The following FAM83G variants were observed in gnomAD, a reference collection of about 807,000 sequenced individuals.
FAM83G encodes the protein scaffolding CK1 anchoring protein G, also known as protein FAM83G.
Under a neutral mutation model 61.5 loss-of-function variants are expected in FAM83G, and 38 were observed. That is an observed-to-expected ratio of 0.62 (90% CI 0.48 to 0.81). The LOEUF (loss-of-function observed/expected upper bound fraction) is 0.81. FAM83G is among the 30% of genes least tolerant of loss of function. FAM83G has a pLI of 0.00. For missense variants in FAM83G, 989 were observed against 1,133.6 expected, an observed-to-expected ratio of 0.87 and a Z score of 1.83; for synonymous variants, 470 against 476.1, an observed-to-expected ratio of 0.99 and a Z score of 0.17.
At chr17:18,984,383 C>A (rs2472713) in intron 3 of FAM83G, among the ~76,000 whole-genome samples, 16 of 150,644 alleles carry the variant, frequency 1.1e-4, no homozygotes, top group South Asian at 4.2e-4. Context: ...CCTGAATCCA[C>A]CACAGACCCA....
chr17:18,991,139 C>T (rs2043411879), intron 2 of FAM83G, among the ~76,000 whole-genome samples: 1 of 152,214 alleles, frequency 6.6e-6, no homozygotes, highest in African/African-American at 2.4e-5. Flanking sequence ...GCCACCTTGC[C>T]TAATTCTGTT....
chr17:18,993,590 A>T (rs1482852689), intron 2 of FAM83G, among the ~76,000 whole-genome samples: 1 of 152,196 alleles, frequency 6.6e-6, no homozygotes, highest in Non-Finnish European at 1.5e-5. Context: ...GATACCCTCA[A>T]GCCTGCCCCA....
rs1400933331 is a variant in FAM83G, at chr17:18,996,945, G to A, written c.522+6575C>T. On this transcript the variant is annotated intron_variant, in intron 2 of 5. Transcript: ENST00000388995. The surrounding 1 kb of genome is among the most constrained non-coding windows in gnomAD (Gnocchi z 4.4). ...CCATGCCTTCCCTGGGTGGCCCATG[G>A]CGGGTCACTTCCCACTCTAAGCCTC... Among the ~76,000 whole-genome samples, 2 of 152,234 alleles carry A rather than the reference G, an allele frequency of 1.3e-5. No individual in the cohort carries two copies. Among genetic ancestry groups the A allele is most frequent in the African/African-American group, 2.4e-5 (1 of 41,466 alleles).
At position 18,970,723 on chromosome 17, in the gene FAM83G, G is replaced by C; in HGVS notation, c.*636C>G. 1 of 454,760 alleles carries C rather than the reference G, an allele frequency of 2.2e-6. No individual in the cohort carries two copies. The allele number at this position is 454,760 out of a possible 1,614,324, so 28.2% of individuals were successfully genotyped here. On this transcript the variant is annotated 3_prime_UTR_variant, in exon 6 of 6. Transcript: ENST00000388995. ...CTTGCCCAAGGCCGATGAGTGTCCA[G>C]AGGCCAACAGTGACTCCTGCTGGGC...
At chr17:18,977,109 G>C (rs538343611) in intron 5 of FAM83G, 1 of 1,395,492 alleles carries the variant, frequency 7.2e-7, no homozygotes, top group Admixed American at 1.9e-5. Flanking sequence ...CCCCAACCTG[G>C]GGAGTGGGGA....
chr17:18,992,182 C>A (rs2043443157), intron 2 of FAM83G, among the ~76,000 whole-genome samples: 1 of 152,160 alleles, frequency 6.6e-6, no homozygotes, highest in Non-Finnish European at 1.5e-5. Context: ...CCATGCTGTA[C>A]CCTCCCTGCC....
upstream of FAM83G, among the ~76,000 whole-genome samples, chr17:19,005,886 G>T (rs948437413): frequency 6.6e-6 from 1 of 152,354 alleles, no homozygotes; most frequent in Middle Eastern, 3.4e-3. Context: ...CCTGCCCCAG[G>T]GCCAGAGAGG....
intron 2 of FAM83G, among the ~76,000 whole-genome samples, chr17:18,998,091 C>T (rs963498647): frequency 6.6e-6 from 1 of 152,246 alleles, no homozygotes; most frequent in African/African-American, 2.4e-5. Context: ...GGCATTTAAC[C>T]TGGCAAGGTA....
In FAM83G at chr17:18,971,354, T is replaced by C. The variant is rs766537391; in HGVS notation, c.*5A>G. ...GAAGGTGTGGCTCCAGGCTGGGACATGCTGCTAGGGGTCTTTGCGGTCCCG... is the reference window on the plus strand; with the variant it reads ...GAAGGTGTGGCTCCAGGCTGGGACACGCTGCTAGGGGTCTTTGCGGTCCCG... On this transcript the variant is annotated 3_prime_UTR_variant, in exon 6 of 6. Transcript: ENST00000388995. This position sits in a 1 kb window ranked among gnomAD's most constrained non-coding sequence, Gnocchi z 5.5. The C allele has an allele frequency of 2.5e-6, 4 of 1,582,692 alleles. No homozygotes were observed. The African/African-American group carries it at 6.2e-5, about 24-fold the overall frequency.
intron 3 of FAM83G, among the ~76,000 whole-genome samples, chr17:18,982,762 G>A (rs1242386489): frequency 1.3e-5 from 2 of 152,224 alleles, no homozygotes; most frequent in African/African-American, 4.8e-5. Flanking sequence ...CGAGGCAGAG[G>A]GGGCTGAGCC....
chr17:18,980,691 C>T (rs752045482), intron 3 of FAM83G, among the ~76,000 whole-genome samples: 2 of 152,138 alleles, frequency 1.3e-5, no homozygotes, highest in Non-Finnish European at 1.5e-5. Context: ...GCGAGCCTGG[C>T]TGGAACCCAA....
rs527516807 is a variant in FAM83G, at chr17:18,983,824, G to A, written c.691-4151C>T. 3.5e-3 allele frequency among the ~76,000 whole-genome samples: 529 copies of A among 152,296 alleles called. 5 individuals are homozygous for A. The highest frequency in any genetic ancestry group is 0.022 in the South Asian group (108 of 4,820). The stretch of plus-strand genomic sequence containing the variant: ...GTATGTGACGGCATGTAGGGGCAGG[G>A]CCAGCCTAGCTCCAAGGCCCTGGTC... On this transcript the variant is annotated intron_variant, in intron 3 of 5. Coordinates refer to ENST00000388995, the MANE Select transcript of FAM83G (RefSeq NM_001039999.3).
At chr17:18,989,120 G>A (rs770784300) in intron 2 of FAM83G, among the ~76,000 whole-genome samples, 5 of 152,180 alleles carry the variant, frequency 3.3e-5, no homozygotes, top group Non-Finnish European at 5.9e-5. Context: ...GGGCACAGCC[G>A]CCTACACTGC....
chr17:18,990,365 G>A (rs2043384682), intron 2 of FAM83G, among the ~76,000 whole-genome samples: 1 of 152,148 alleles, frequency 6.6e-6, no homozygotes, highest in South Asian at 2.1e-4. Flanking sequence ...GGTCCTCCCT[G>A]CCTGGGATCT....
rs2043690635 is a variant in FAM83G, at chr17:19,000,069, G to A, written c.522+3451C>T. On this transcript the variant is annotated intron_variant, in intron 2 of 5. Transcript: ENST00000388995. The surrounding 1 kb of genome is among the most constrained non-coding windows in gnomAD (Gnocchi z 5.2). Reference sequence around the variant, plus strand: ...CAGGCTGCAGCCAAGTGAGGCCGGGGCTCGCCCCTCCCAGGCGTGATCTTA... The same window carrying A: ...CAGGCTGCAGCCAAGTGAGGCCGGGACTCGCCCCTCCCAGGCGTGATCTTA... Among the ~76,000 whole-genome samples the A allele has an allele frequency of 6.6e-6, 1 of 152,240 alleles. No homozygotes were observed. Among genetic ancestry groups the A allele is most frequent in the African/African-American group, 2.4e-5 (1 of 41,462 alleles).
rs2043714673 is a variant in FAM83G at position 19,000,944 on chromosome 17, T to C, written c.522+2576A>G. Among the ~76,000 whole-genome samples, 2 of 152,068 alleles carry C rather than the reference T, an allele frequency of 1.3e-5. No homozygotes were observed. Among genetic ancestry groups the C allele is most frequent in the South Asian group, 4.1e-4 (2 of 4,820 alleles). On this transcript the variant is annotated intron_variant, in intron 2 of 5. Coordinates refer to ENST00000388995, the MANE Select transcript of FAM83G (RefSeq NM_001039999.3). This position sits in a 1 kb window ranked among gnomAD's most constrained non-coding sequence, Gnocchi z 5.2. ...AGCTGGAGGACTGCAGTGGCCTGGA[T>C]GAGCTGCCCCTCCCAGCCCCTGCCT...
At chr17:18,986,157 G>A (rs1369193011) in intron 3 of FAM83G, 1 of 152,226 alleles carries the variant, frequency 6.6e-6, no homozygotes, top group Non-Finnish European at 1.5e-5. Flanking sequence ...CTTTGGTTTT[G>A]GTTTTATAAT....
At position 18,988,378 on chromosome 17, in the gene FAM83G, C is replaced by A. The variant is rs2152129499; in HGVS notation, c.559G>T (p.Asp187Tyr). 1 of 1,614,208 alleles carries A rather than the reference C, an allele frequency of 6.2e-7. No individual in the cohort carries two copies. The highest frequency in any genetic ancestry group is 2.2e-5 in the East Asian group (1 of 44,894). The part of the protein sequence containing the change: ...AVVMDMFTDV[D>Y]IFKDLLDAGF... ...GCGTCCAGCAGGTCCTTGAAGATGT[C>A]CACGTCGGTGAACATGTCCATGACC... The change falls in exon 3 of 6, where the codon GAC becomes TAC. Residue 187 changes from aspartate (D) to tyrosine (Y), a missense_variant. By Grantham distance (160) the Asp-to-Tyr change is radical. Around this residue, in one of 3 missense-constraint regions of FAM83G, gnomAD observed 371 missense variants for 404.5 expected, o/e 0.92. Coordinates refer to ENST00000388995, the MANE Select transcript of FAM83G (RefSeq NM_001039999.3).
chr17:18,991,975 G>A (rs1337272411), intron 2 of FAM83G, among the ~76,000 whole-genome samples: 10 of 152,310 alleles, frequency 6.6e-5, no homozygotes, highest in East Asian at 1.9e-4. Flanking sequence ...CTGGGGGGCA[G>A]AGGCAGGCAG....
Sources: gnomAD v4.1 joint callset for allele counts (sites outside exome capture counted in the v4.1 genomes callset) on GRCh38, gnomAD v4.1.1 for gene constraint, gnomAD v4.1.1 regional missense constraint, Gnocchi (gnomAD v3.1) non-coding constraint, MANE v1.5 for transcripts, NCBI Gene and HGNC (gene_info 2026-07-23, HGNC 2026-07-21) for gene names.